Variants in RASA2 observed in about 807,000 individuals in gnomAD.
RASA2 encodes RAS p21 protein activator 2, also known as ras GTPase-activating protein 2.
Under a neutral mutation model 118.2 loss-of-function variants are expected in RASA2, and 155 were observed. The ratio of observed to expected loss-of-function variants is 1.31; its 90% CI spans 1.15 to 1.50. RASA2 has a LOEUF of 1.50. Among genes scored for constraint, RASA2 ranks in the 40% most tolerant of loss-of-function variants. The pLI, the probability that RASA2 is intolerant of heterozygous loss-of-function variation, is 0.00. For missense variants in RASA2, 1,016 were observed against 1,009.6 expected, an observed-to-expected ratio of 1.01 and a Z score of -0.09; for synonymous variants, 353 against 349.1, an observed-to-expected ratio of 1.01 and a Z score of -0.12.
intron 19 of RASA2, among the ~76,000 whole-genome samples, chr3:141,605,187 G>C (rs1428246830): frequency 6.6e-6 from 1 of 151,954 alleles, no homozygotes; most frequent in Non-Finnish European, 1.5e-5. Context: ...CTTAGTACTT[G>C]GTGGATAACT....
At chr3:141,505,826 AG>A (rs1442517656) in intron 1 of RASA2, among the ~76,000 whole-genome samples, 1 of 152,008 alleles carries the variant, frequency 6.6e-6, no homozygotes, top group Non-Finnish European at 1.5e-5. Flanking sequence ...AACATTGTGA[AG>A]GTTGAGTATC....
rs1177900739 is a variant in RASA2, at chr3:141,503,766, G to A, written c.134-8397G>A. On this transcript the variant is annotated intron_variant, in intron 1 of 23. Transcript: ENST00000286364. ...AGACTTTTTGTCTGTTTTGCTCACT[G>A]TCATATCCTAGCAGCTTAGTAGGTA... 4.6e-5 allele frequency among the ~76,000 whole-genome samples: 7 copies of A among 152,268 alleles called. No homozygotes were observed. In the East Asian group the frequency reaches 1.4e-3, roughly 29 times the overall value.
At chr3:141,565,049 A>G (rs11713714) in intron 9 of RASA2, among the ~76,000 whole-genome samples, 43,494 of 151,770 alleles carry the variant, frequency 0.29, 6,524 homozygotes, top group Non-Finnish European at 0.33. Flanking sequence ...GCAGTGGTGC[A>G]ATCTTGGCTC....
chr3:141,495,507 AAATT>A lies in RASA2; in HGVS notation c.133+8295_133+8298del, dbSNP rs568950066. On this transcript the variant is annotated intron_variant, in intron 1 of 23. Transcript: ENST00000286364. ...AAACATGAAAATATTGGTAAAGTAAAAATTAATCAGGGAAATAAAATTTTAAAAC... is the reference window on the plus strand; with the variant it reads ...AAACATGAAAATATTGGTAAAGTAAAAATCAGGGAAATAAAATTTTAAAAC... Among the ~76,000 whole-genome samples the A allele has an allele frequency of 4.7e-3, 717 of 152,368 alleles. 7 individuals carry two copies. The highest frequency in any genetic ancestry group is 0.015 in the African/African-American group (643 of 41,584).
intron 19 of RASA2, among the ~76,000 whole-genome samples, chr3:141,592,451 T>C (rs1170365778): frequency 6.6e-6 from 1 of 152,202 alleles, no homozygotes; most frequent in African/African-American, 2.4e-5. Flanking sequence ...TATAGGACCT[T>C]GTGGGCTTTT....
In RASA2 at chr3:141,571,557, A is replaced by C. The variant is rs1247667010; in HGVS notation, c.1169+3A>C. On this transcript the variant is annotated splice_donor_region_variant and intron_variant, in intron 11 of 23. Coordinates refer to ENST00000286364, the MANE Select transcript of RASA2 (RefSeq NM_006506.5). ...GAATTAGACTTGAAGGATACACAGT[A>C]AGAGTTATATTTTATTAAATGTTAA... 1.9e-6 allele frequency: 3 copies of C among 1,596,972 alleles called. No individual in the cohort carries two copies. The Admixed American group carries it at 5.3e-5, about 28-fold the overall frequency.
At chr3:141,574,136 TGTTTG>T in intron 14 of RASA2, 69 bp downstream of exon 14, 1 of 1,058,934 alleles carries the variant, frequency 9.4e-7, no homozygotes, top group South Asian at 3.3e-5. Context: ...ATTAATTACA[TGTTTG>T]GTTTGTGAGA....
chr3:141,497,857 G>GT (rs1026607365), intron 1 of RASA2, among the ~76,000 whole-genome samples: 3 of 150,574 alleles, frequency 2.0e-5, no homozygotes, highest in African/African-American at 7.3e-5. Flanking sequence ...GGGTGACAAA[G>GT]TGAGACCCTG....
chr3:141,494,191 A>G (rs1244756242), intron 1 of RASA2, among the ~76,000 whole-genome samples: 1 of 152,232 alleles, frequency 6.6e-6, no homozygotes, highest in East Asian at 1.9e-4. Flanking sequence ...ACATTTCTAG[A>G]TAGATGTTAA....
intron 19 of RASA2, among the ~76,000 whole-genome samples, chr3:141,589,370 C>T (rs939256400): frequency 1.1e-4 from 17 of 151,944 alleles, no homozygotes; most frequent in Non-Finnish European, 1.6e-4. Context: ...AAGTATTTTT[C>T]GGTTTATAAT....
intron 4 of RASA2, among the ~76,000 whole-genome samples, chr3:141,537,826 GTCCACTGC>G (rs1320230863): frequency 6.6e-6 from 1 of 152,106 alleles, no homozygotes; most frequent in African/African-American, 2.4e-5. Flanking sequence ...TCTCTTGTAA[GTCCACTGC>G]TTTCCTCATT....
At position 141,553,873 on chromosome 3, in the gene RASA2, G is replaced by A; in HGVS notation, c.544G>A (p.Gly182Arg). 1.2e-6 allele frequency: 2 copies of A among 1,611,462 alleles called. No homozygotes were observed. Among genetic ancestry groups the A allele is most frequent in the Non-Finnish European group, 8.5e-7 (1 of 1,178,554 alleles). ...CTACCTTAGCATCAAGGCATGCCATGGGTTGCCTCTCATAAATGGCCAAAG... is the reference window on the plus strand; with the variant it reads ...CTACCTTAGCATCAAGGCATGCCATAGGTTGCCTCTCATAAATGGCCAAAG... ...QLVVHIKACH[G>R]LPLINGQSCD... The change falls in exon 6 of 24, where the codon GGG (glycine) becomes AGG (arginine). Residue 182 changes from glycine to arginine, a missense_variant. Gly to Arg is a moderately radical substitution (Grantham distance 125). Transcript: ENST00000286364.
chr3:141,580,555 T>TACACACACAC lies in RASA2; in HGVS notation c.1674+118_1674+127dup, dbSNP rs10663136. The stretch of plus-strand genomic sequence containing the variant: ...CTTCTTCCAAATTAAAAACAAAACA[T>TACACACACAC]ACACACACACACACACACACACAGA... On this transcript the variant is annotated intron_variant, in intron 16 of 23. Coordinates refer to ENST00000286364, the MANE Select transcript of RASA2 (RefSeq NM_006506.5). 312 of 581,340 alleles carry TACACACACAC rather than the reference T, an allele frequency of 5.4e-4. 1 individual carries two copies. Among genetic ancestry groups the TACACACACAC allele is most frequent in the Middle Eastern group, 1.9e-3 (4 of 2,084 alleles). The allele number at this position is 581,340 out of a possible 1,614,324, so 36.0% of individuals were successfully genotyped here. A position where few individuals can be genotyped will look rare whatever the true frequency, so the allele number is the denominator to read the frequency against.
At chr3:141,495,957 G>A (rs985386933) in intron 1 of RASA2, among the ~76,000 whole-genome samples, 2 of 152,180 alleles carry the variant, frequency 1.3e-5, no homozygotes, top group African/African-American at 4.8e-5. Context: ...AATATGTGTA[G>A]TATCCTGTGT....
chr3:141,589,741 T>C (rs1440413212), intron 19 of RASA2, among the ~76,000 whole-genome samples: 1 of 151,834 alleles, frequency 6.6e-6, no homozygotes, highest in Non-Finnish European at 1.5e-5. Context: ...CTTGGGAGGC[T>C]GAGGCAGGAG....
chr3:141,590,718 A>T (rs1490864901), intron 19 of RASA2, among the ~76,000 whole-genome samples: 2 of 152,192 alleles, frequency 1.3e-5, no homozygotes. Flanking sequence ...TGTAACATAG[A>T]CCTAAATCAT....
chr3:141,575,652 G>C (rs2151133323), intron 14 of RASA2, among the ~76,000 whole-genome samples: 1 of 151,992 alleles, frequency 6.6e-6, no homozygotes, highest in South Asian at 2.1e-4. Context: ...CCTCAAACCT[G>C]GGCCTAGTCT....
chr3:141,517,418 A>G (rs1004067163), intron 3 of RASA2, among the ~76,000 whole-genome samples: 40 of 152,268 alleles, frequency 2.6e-4, no homozygotes, highest in Admixed American at 1.8e-3. Flanking sequence ...TGAAAGGCAA[A>G]GGGGAAGCAA....
At chr3:141,528,897 T>C (rs2151093563) in intron 3 of RASA2, among the ~76,000 whole-genome samples, 1 of 152,072 alleles carries the variant, frequency 6.6e-6, no homozygotes, top group South Asian at 2.1e-4. Context: ...TTTAACTTTA[T>C]ATATCCTTTG....
Sources: allele counts gnomAD v4.1 joint callset (sites outside exome capture counted in the v4.1 genomes callset), GRCh38; gene constraint gnomAD v4.1.1; transcripts MANE v1.5; gene names NCBI Gene and HGNC (gene_info 2026-07-23, HGNC 2026-07-21).